Variants in ARHGAP19 observed in about 807,000 individuals in gnomAD.
ARHGAP19 encodes rho GTPase-activating protein 19.
Under a neutral mutation model 60.9 loss-of-function variants are expected in ARHGAP19, and 48 were observed. The observed-to-expected ratio is 0.79, with a 90% CI of 0.62 to 1.00. The LOEUF (loss-of-function observed/expected upper bound fraction) is 1.00, where lower values mean the gene tolerates loss of function less well. Ranked by LOEUF, ARHGAP19 falls within the 50% of genes least tolerant of loss-of-function variation. The pLI is 0.00. For missense variants in ARHGAP19, 562 were observed against 597.2 expected, an observed-to-expected ratio of 0.94 and a Z score of 0.61; for synonymous variants, 209 against 215.5, an observed-to-expected ratio of 0.97 and a Z score of 0.27.
chr10:97,288,939 C>A (rs1276982451), intron 1 of ARHGAP19, among the ~76,000 whole-genome samples: 1 of 150,896 alleles, frequency 6.6e-6, no homozygotes, highest in Non-Finnish European at 1.5e-5. Flanking sequence ...CTCAGCCTCC[C>A]GAGTAGCTGG....
At chr10:97,275,022 C>A (rs1217819815) in intron 1 of ARHGAP19, 1 of 152,462 alleles carries the variant, frequency 6.6e-6, no homozygotes, top group Non-Finnish European at 1.5e-5. Flanking sequence ...TCCAAGATAA[C>A]CCCAATGCCA....
chr10:97,225,977 T>G lies in ARHGAP19; in HGVS notation c.*145A>C. On this transcript the variant is annotated 3_prime_UTR_variant, in exon 12 of 12. Transcript: ENST00000358531. The stretch of plus-strand genomic sequence containing the variant: ...CATCCAGTGAGTGGGGTTAGAGGTA[T>G]CAGTCGGGTCACGGTATTAGTTGGC... 1 of 763,678 alleles carries G rather than the reference T, an allele frequency of 1.3e-6. No homozygotes were observed. Among genetic ancestry groups the G allele is most frequent in the Non-Finnish European group, 2.2e-6 (1 of 463,430 alleles). 47.3% of individuals were successfully genotyped at this position (763,678 alleles called of 1,614,324 possible).
intron 11 of ARHGAP19, among the ~76,000 whole-genome samples, chr10:97,228,360 T>C (rs1311131394): frequency 1.3e-5 from 2 of 152,226 alleles, no homozygotes; most frequent in African/African-American, 4.8e-5. Flanking sequence ...CAGTAACAAC[T>C]ATAACCACTT....
chr10:97,224,350 A>AT lies in ARHGAP19; in HGVS notation c.*1771dup, dbSNP rs1275252320. The AT allele has an allele frequency of 4.7e-4, 71 of 152,256 alleles. 1 individual carries two copies. The highest frequency in any genetic ancestry group is 4.6e-3 in the Admixed American group (70 of 15,284). 9.4% of individuals were successfully genotyped at this position (152,256 alleles called of 1,614,324 possible). A position where few individuals can be genotyped will look rare whatever the true frequency, so the allele number is the denominator to read the frequency against. On this transcript the variant is annotated 3_prime_UTR_variant, in exon 12 of 12. Coordinates refer to ENST00000358531, the MANE Select transcript of ARHGAP19 (RefSeq NM_032900.6). ...TTCTTAATAAGAAAAAAAAAGTCAA[A>AT]TATTTAATAGAAACCTACGCAAACG...
intron 7 of ARHGAP19, 124 bp from the exon 8 acceptor site, chr10:97,244,283 A>C: frequency 1.5e-6 from 1 of 673,680 alleles, no homozygotes; most frequent in Non-Finnish European, 2.4e-6. Context: ...ACTCAGGAAC[A>C]AGAAAAATCT....
intron 1 of ARHGAP19, among the ~76,000 whole-genome samples, chr10:97,278,311 C>T (rs530667151): frequency 4.6e-5 from 7 of 152,272 alleles, no homozygotes; most frequent in African/African-American, 9.6e-5. Flanking sequence ...ATATTCTGCA[C>T]GAATCCTTGT....
chr10:97,245,925 G>C (rs1842557364), intron 7 of ARHGAP19, among the ~76,000 whole-genome samples: 1 of 152,002 alleles, frequency 6.6e-6, no homozygotes, highest in Admixed American at 6.6e-5. Context: ...AAAATTGTGG[G>C]GGGGAGGCAC....
chr10:97,251,279 AG>A (rs1412552199), intron 6 of ARHGAP19, among the ~76,000 whole-genome samples: 3 of 40,086 alleles, frequency 7.5e-5, no homozygotes, highest in African/African-American at 1.1e-4. Context: ...TGGGAAGGGA[AG>A]GGAAAAAGGA....
intron 1 of ARHGAP19, among the ~76,000 whole-genome samples, chr10:97,288,119 T>C (rs967536420): frequency 6.6e-6 from 1 of 152,134 alleles, no homozygotes; most frequent in Non-Finnish European, 1.5e-5. Context: ...TTTGTAATTA[T>C]TAGGAGCAGT....
chr10:97,242,840 G>C (rs1479523279), intron 8 of ARHGAP19, among the ~76,000 whole-genome samples: 1 of 151,436 alleles, frequency 6.6e-6, no homozygotes, highest in Non-Finnish European at 1.5e-5. Flanking sequence ...AGTAGAGACG[G>C]GGTTTCTCCA....
At chr10:97,259,703 T>C in intron 4 of ARHGAP19, 75 bp from the exon 5 acceptor site, 1 of 980,782 alleles carries the variant, frequency 1.0e-6, no homozygotes, top group Non-Finnish European at 1.6e-6. Context: ...ACCATTATCC[T>C]CCCCTCAACT....
Position 97,259,531 on chromosome 10 carries a change from A to T in ARHGAP19, c.711T>A (p.Pro237=). The change falls in exon 5 of 12, where the codon CCT becomes CCA. Residue 237 remains proline (P), a synonymous_variant. Coordinates refer to ENST00000358531, the MANE Select transcript of ARHGAP19 (RefSeq NM_032900.6). ...ALQLLFLILP[P]PNRNLLKLLL... ...ATAACTTCAGCAAATTACGATTAGG[A>T]GGAGGGAGAATGAGGAAGAGCAACT... is the stretch of plus-strand genomic sequence containing the variant. The T allele has an allele frequency of 6.2e-7, 1 of 1,614,208 alleles. No individual in the cohort carries two copies. Among genetic ancestry groups the T allele is most frequent in the Admixed American group, 1.7e-5 (1 of 60,020 alleles).
chr10:97,249,679 T>C (rs1167766680), intron 6 of ARHGAP19, among the ~76,000 whole-genome samples: 3 of 151,994 alleles, frequency 2.0e-5, no homozygotes, highest in African/African-American at 7.3e-5. Flanking sequence ...GATTGGCCTA[T>C]ATTGAAAAAA....
chr10:97,287,595 T>C (rs1243647594), intron 1 of ARHGAP19, among the ~76,000 whole-genome samples: 2 of 152,050 alleles, frequency 1.3e-5, no homozygotes, highest in Admixed American at 6.6e-5. Flanking sequence ...TTTTAAAAAT[T>C]AGCCGAGTGT....
chr10:97,229,656 A>C, intron 10 of ARHGAP19, 108 bp downstream of exon 10: 1 of 830,666 alleles, frequency 1.2e-6, no homozygotes, highest in Non-Finnish European at 1.9e-6. Flanking sequence ...AGAAAAAGCC[A>C]TTTGAATGGC....
chr10:97,288,638 G>T (rs1291053297), intron 1 of ARHGAP19, among the ~76,000 whole-genome samples: 1 of 150,716 alleles, frequency 6.6e-6, no homozygotes, highest in Non-Finnish European at 1.5e-5. Flanking sequence ...CAGAGCAAGA[G>T]CAAGAAAGAA....
At chr10:97,270,291 C>T (rs1842945548) in intron 1 of ARHGAP19, among the ~76,000 whole-genome samples, 1 of 152,000 alleles carries the variant, frequency 6.6e-6, no homozygotes, top group African/African-American at 2.4e-5. Context: ...GTGTGGACCA[C>T]CTGGTAAAAC....
intron 8 of ARHGAP19, among the ~76,000 whole-genome samples, chr10:97,236,352 G>A (rs187247563): frequency 3.9e-5 from 6 of 152,168 alleles, no homozygotes; most frequent in African/African-American, 1.2e-4. Flanking sequence ...TTCAAGTTCT[G>A]GAGGTTAAAA....
intron 2 of ARHGAP19, 129 bp from the exon 3 acceptor site, chr10:97,265,035 C>T: frequency 1.5e-6 from 1 of 685,968 alleles, no homozygotes; most frequent in Non-Finnish European, 2.5e-6. Context: ...AAACAAAAAC[C>T]TTAGAACTGG....
Sources: gnomAD v4.1 joint callset for allele counts (sites outside exome capture counted in the v4.1 genomes callset) on GRCh38, gnomAD v4.1.1 for gene constraint, MANE v1.5 for transcripts, NCBI Gene and HGNC (gene_info 2026-07-23, HGNC 2026-07-21) for gene names.